The following NSUN6 variants were observed in gnomAD, a reference collection of about 807,000 sequenced individuals.
NSUN6 encodes tRNA (cytosine(72)-C(5))-methyltransferase NSUN6.
A neutral mutation model predicts 58.0 loss-of-function variants in NSUN6; 64 were observed. That is an observed-to-expected ratio of 1.10 (90% CI 0.90 to 1.36). The LOEUF is 1.36. Ranked by LOEUF, NSUN6 falls within the 40% of genes most tolerant of loss-of-function variation. NSUN6 has a pLI of 0.00. For missense variants in NSUN6, 701 were observed against 550.1 expected (o/e 1.27, Z -2.74); for synonymous variants, 231 against 193.9 (o/e 1.19, Z -1.59).
intron 9 of NSUN6, among the ~76,000 whole-genome samples, chr10:18,548,550 C>T (rs2054425394): frequency 6.6e-6 from 1 of 152,150 alleles, no homozygotes; most frequent in African/African-American, 2.4e-5. Flanking sequence ...TAGGCCACAT[C>T]AACTTGTTAA....
chr10:18,599,635 C>T (rs564098315), intron 6 of NSUN6, among the ~76,000 whole-genome samples: 30 of 152,228 alleles, frequency 2.0e-4, no homozygotes, highest in African/African-American at 5.3e-4. Flanking sequence ...ATTAGAATCA[C>T]CTATGAAAGC....
chr10:18,552,479 C>T (rs895493523), intron 8 of NSUN6, among the ~76,000 whole-genome samples: 8 of 152,120 alleles, frequency 5.3e-5, no homozygotes, highest in South Asian at 2.1e-4. Context: ...CAATCTTCCA[C>T]GAAGTTTTCC....
chr10:18,640,871 A>T (rs903952198), intron 3 of NSUN6, among the ~76,000 whole-genome samples: 2 of 151,914 alleles, frequency 1.3e-5, no homozygotes, highest in South Asian at 4.2e-4. Flanking sequence ...AAAAAAAAAA[A>T]ACAAAAATAT....
chr10:18,655,190 A>G (rs1157872887), upstream of NSUN6: 1 of 971,236 alleles, frequency 1.0e-6, no homozygotes, highest in Non-Finnish European at 1.2e-6. Context: ...GAAAGGAACA[A>G]ACAACATAGA....
chr10:18,623,744 A>C (rs902792935), intron 3 of NSUN6, among the ~76,000 whole-genome samples: 1 of 152,216 alleles, frequency 6.6e-6, no homozygotes, highest in African/African-American at 2.4e-5. Context: ...GCTGCTCATG[A>C]CTTAAGTTAT....
intron 5 of NSUN6, among the ~76,000 whole-genome samples, chr10:18,613,896 T>C (rs1590068063): frequency 6.6e-6 from 1 of 152,222 alleles, no homozygotes; most frequent in East Asian, 1.9e-4. Context: ...CTGAAAAAAC[T>C]AAGTAAAATA....
upstream of NSUN6, chr10:18,658,541 G>A: frequency 8.5e-6 from 2 of 236,016 alleles, no homozygotes; most frequent in Non-Finnish European, 1.4e-5. Flanking sequence ...ACAGCGAATT[G>A]GCTTATGCGT....
intron 8 of NSUN6, among the ~76,000 whole-genome samples, chr10:18,556,173 G>C (rs111217326): frequency 6.6e-6 from 1 of 151,564 alleles, no homozygotes; most frequent in Non-Finnish European, 1.5e-5. Context: ...GAATGGAATG[G>C]AATGCAGAGT....
Position 18,596,230 on chromosome 10 carries a change from A to G in NSUN6, c.755T>C (p.Ile252Thr), listed in dbSNP as rs2057580254. 5 of 1,611,734 alleles carry G rather than the reference A, an allele frequency of 3.1e-6. No homozygotes were observed. The African/African-American group carries it at 4.0e-5, about 13-fold the overall frequency. ...CAAPGGKTTH[I>T]AALMHDQGEV... ...CACCTGATCATGCATTAGTGCTGCA[A>G]TGTGTGTTGTTTTCCCTCCAGGTGC... is the stretch of plus-strand genomic sequence containing the variant. Residue 252 changes from isoleucine to threonine, a missense_variant, in exon 7 of 11, where the codon ATT (isoleucine) becomes ACT (threonine). Physicochemically the swap from Ile to Thr is moderately conservative, Grantham distance 89 (BLOSUM62 -1). Transcript: ENST00000377304.
chr10:18,550,870 G>A (rs890148418), intron 9 of NSUN6, among the ~76,000 whole-genome samples: 1 of 151,752 alleles, frequency 6.6e-6, no homozygotes, highest in African/African-American at 2.4e-5. Flanking sequence ...GACTACAGGC[G>A]CCCACAACCA....
At chr10:18,596,473 G>A (rs113129659) in intron 6 of NSUN6, 146 bp from the exon 7 acceptor site, 5 of 565,506 alleles carry the variant, frequency 8.8e-6, no homozygotes, top group Admixed American at 6.7e-5. Context: ...ATATACTCAG[G>A]TTAGGAAATT....
At chr10:18,656,624 T>G (rs1193066821), upstream of NSUN6, among the ~76,000 whole-genome samples, 2 of 152,224 alleles carry the variant, frequency 1.3e-5, no homozygotes, top group Non-Finnish European at 2.9e-5. Context: ...AAGTATTATC[T>G]GAAGTTAGTT....
chr10:18,575,217 C>A (rs571495451), intron 8 of NSUN6, among the ~76,000 whole-genome samples: 3 of 152,142 alleles, frequency 2.0e-5, no homozygotes, highest in Non-Finnish European at 2.9e-5. Flanking sequence ...GGAATTTATA[C>A]CCTGGCCAAA....
chr10:18,616,256 C>T lies in NSUN6; in HGVS notation c.349G>A (p.Gly117Arg). The T allele has an allele frequency of 6.2e-7, 1 of 1,611,340 alleles. No individual in the cohort carries two copies. Among genetic ancestry groups the T allele is most frequent in the East Asian group, 2.2e-5 (1 of 44,858 alleles). Reference sequence around the variant, plus strand: ...AAAACTGCATTGCCACACTGGGCTCCAACAATGGCTTCACACTGTTGTTTT... The same window carrying T: ...AAAACTGCATTGCCACACTGGGCTCTAACAATGGCTTCACACTGTTGTTTT... ...IKKQQCEAIVGAQCGNAVLRG... is the reference protein window; with the variant it reads ...IKKQQCEAIVRAQCGNAVLRG... The change falls in exon 4 of 11, where the codon GGA becomes AGA. Residue 117 changes from glycine (G) to arginine (R), a missense_variant. Coordinates refer to ENST00000377304, the MANE Select transcript of NSUN6 (RefSeq NM_182543.5).
In NSUN6 at chr10:18,555,357, A is replaced by AGAATG. The variant is rs555425917; in HGVS notation, c.923-3391_923-3387dup. Reference sequence around the variant, plus strand: ...TGGAATAGAGAATGGAATGGTATGGAGAATGGAATGGAATGGAGAATGGAA... The same window carrying AGAATG: ...TGGAATAGAGAATGGAATGGTATGGAGAATGGAATGGAATGGAATGGAGAATGGAA... On this transcript the variant is annotated intron_variant, in intron 8 of 10. Coordinates refer to ENST00000377304, the MANE Select transcript of NSUN6 (RefSeq NM_182543.5). Among the ~76,000 whole-genome samples the AGAATG allele has an allele frequency of 1.2e-4, 18 of 151,304 alleles. 1 individual carries two copies. In the South Asian group the frequency reaches 2.9e-3, roughly 25 times the overall value.
At chr10:18,572,129 CCATTCCCTTCCATTCTCCATTCCACTCCA>C (rs1420406237) in intron 8 of NSUN6, among the ~76,000 whole-genome samples, 21 of 151,848 alleles carry the variant, frequency 1.4e-4, no homozygotes, top group African/African-American at 4.3e-4. Context: ...AGTTCAATCT[CCATTCCCTTCCATTCTCCATTCCACTCCA>C]CATTCCCTTC....
At chr10:18,571,364 A>C (rs1162880941) in intron 8 of NSUN6, among the ~76,000 whole-genome samples, 2 of 146,414 alleles carry the variant, frequency 1.4e-5, no homozygotes, top group Non-Finnish European at 3.0e-5. Context: ...TCCACTCTCC[A>C]TTCCAGTTCA....
intron 9 of NSUN6, 183 bp downstream of exon 9, chr10:18,551,640 C>A: frequency 4.5e-6 from 2 of 444,230 alleles, no homozygotes; most frequent in Non-Finnish European, 8.0e-6. Flanking sequence ...CCTTTGAAGG[C>A]TGAATAATGT....
chr10:18,655,101 C>T, upstream of NSUN6: 1 of 982,512 alleles, frequency 1.0e-6, no homozygotes, highest in Non-Finnish European at 1.2e-6. Context: ...GGGAACACTT[C>T]TCTGAAAATC....
Sources: allele counts gnomAD v4.1 joint callset (sites outside exome capture counted in the v4.1 genomes callset), GRCh38; gene constraint gnomAD v4.1.1; transcripts MANE v1.5; gene names NCBI Gene and HGNC (gene_info 2026-07-23, HGNC 2026-07-21).